Variants in SHOC1 observed in about 807,000 individuals in gnomAD.
The protein encoded by SHOC1 is protein shortage in chiasmata 1 ortholog.
Under a neutral mutation model 179.2 loss-of-function variants are expected in SHOC1, and 136 were observed. The observed-to-expected ratio is 0.76, with a 90% CI of 0.66 to 0.87. The LOEUF is 0.87. SHOC1 is among the 40% of genes least tolerant of loss of function. SHOC1 has a pLI of 0.00. For missense variants in SHOC1, 1,538 were observed against 1,700.8 expected, an observed-to-expected ratio of 0.90 and a Z score of 1.68; for synonymous variants, 489 against 586.6, an observed-to-expected ratio of 0.83 and a Z score of 2.41.
Position 111,693,794 on chromosome 9 carries a change from C to A in SHOC1, c.3465+5G>T. On this transcript the variant is annotated splice_donor_5th_base_variant and intron_variant, in intron 26 of 27. Transcript: ENST00000682961. ...ATATCATAGTACAGATCTCAAATAA[C>A]TAACCTTTAACACTTTTTCTGGGAC... 6.3e-7 allele frequency: 1 copy of A among 1,594,482 alleles called. No individual in the cohort carries two copies. The highest frequency in any genetic ancestry group is 8.6e-7 in the Non-Finnish European group (1 of 1,168,300).
chr9:111,723,158 A>AT (rs1833145828), intron 14 of SHOC1, among the ~76,000 whole-genome samples: 2 of 152,092 alleles, frequency 1.3e-5, no homozygotes, highest in South Asian at 4.1e-4. Flanking sequence ...CATGAACTGC[A>AT]TTTTTTTCTT....
In SHOC1 at chr9:111,744,394, T is replaced by C. The variant is rs189038885; in HGVS notation, c.1079+1840A>G. ...TCTTAGTTCATGATAGAACTCTGTA[T>C]AGCACAAATTTACTCTAGAAATGTA... is the stretch of plus-strand genomic sequence containing the variant. On this transcript the variant is annotated intron_variant, in intron 10 of 27. Coordinates refer to ENST00000682961, the MANE Select transcript of SHOC1 (RefSeq NM_001378211.1). 2.7e-3 allele frequency among the ~76,000 whole-genome samples: 418 copies of C among 152,320 alleles called. 2 individuals carry two copies. The highest frequency in any genetic ancestry group is 6.8e-3 in the Middle Eastern group (2 of 294).
intron 10 of SHOC1, 105 bp downstream of exon 10, chr9:111,746,129 T>G (rs1834266300): frequency 3.1e-6 from 2 of 650,856 alleles, no homozygotes; most frequent in South Asian, 4.0e-5. Context: ...AGCTCTTAAA[T>G]TTTTTCATAG....
Position 111,727,709 on chromosome 9 carries a change from G to T in SHOC1, c.1758C>A (p.Ser586Arg). 6.2e-7 allele frequency: 1 copy of T among 1,611,862 alleles called. No individual in the cohort carries two copies. The highest frequency in any genetic ancestry group is 8.5e-7 in the Non-Finnish European group (1 of 1,179,318). Residue 586 changes from serine to arginine, a missense_variant, in exon 13 of 28, where the codon AGC (serine) becomes AGA (arginine). Transcript: ENST00000682961. ...ATTTATTTCGCAGCATAATAAAGTC[G>T]CTCAAAAGGTCCAAATCATTCTCTT... ...KKQENDLDLLSDFIMLRNKYK... is the reference protein window; with the variant it reads ...KKQENDLDLLRDFIMLRNKYK...
At chr9:111,747,571 T>G (rs1032756294) in intron 9 of SHOC1, among the ~76,000 whole-genome samples, 8 of 152,130 alleles carry the variant, frequency 5.3e-5, no homozygotes, top group African/African-American at 1.9e-4. Flanking sequence ...TGCCATCTTT[T>G]TGTTATTCAG....
intron 23 of SHOC1, among the ~76,000 whole-genome samples, 159 bp downstream of exon 23, chr9:111,701,945 CA>C (rs1181120134): frequency 1.3e-5 from 2 of 152,034 alleles, no homozygotes; most frequent in South Asian, 4.2e-4. Context: ...CTCCAAAATT[CA>C]AATTTGTTTT....
At chr9:111,768,796 T>C (rs1225704494) in intron 5 of SHOC1, among the ~76,000 whole-genome samples, 1 of 152,220 alleles carries the variant, frequency 6.6e-6, no homozygotes, top group African/African-American at 2.4e-5. Flanking sequence ...TCACGTTTTA[T>C]GTTGAATAAA....
At chr9:111,706,794 AT>A in intron 19 of SHOC1, 48 bp from the exon 20 acceptor site, 1 of 1,335,338 alleles carries the variant, frequency 7.5e-7, no homozygotes. Flanking sequence ...TTGTGTTATT[AT>A]TTTGTTGAAC....
At chr9:111,703,426 A>G (rs866506394) in intron 22 of SHOC1, among the ~76,000 whole-genome samples, 4 of 152,186 alleles carry the variant, frequency 2.6e-5, no homozygotes, top group African/African-American at 9.6e-5. Flanking sequence ...ATTCCAAACT[A>G]TATGAATTTT....
intron 27 of SHOC1, 69 bp from the exon 28 acceptor site, chr9:111,686,939 C>CT (rs10537471): frequency 0.15 from 77,028 of 515,562 alleles, 2,277 homozygotes; most frequent in East Asian, 0.32. Context: ...TTTTCTTTTC[C>CT]TTTTTTTTTT....
At chr9:111,719,351 G>A (rs9657640) in intron 15 of SHOC1, among the ~76,000 whole-genome samples, 29,555 of 152,074 alleles carry the variant, frequency 0.19, 3,023 homozygotes, top group Non-Finnish European at 0.22. Flanking sequence ...TCACTTGCTC[G>A]GGATTAATGC....
At chr9:111,710,338 A>G (rs1399675169) in intron 18 of SHOC1, among the ~76,000 whole-genome samples, 1 of 152,170 alleles carries the variant, frequency 6.6e-6, no homozygotes, top group Admixed American at 6.6e-5. Flanking sequence ...ACTCTGCTTG[A>G]GAGACCTTTC....
chr9:111,686,746 A>AT lies in SHOC1; in HGVS notation c.*23dup, dbSNP rs1405249030. 6.9e-7 allele frequency: 1 copy of AT among 1,451,134 alleles called. No homozygotes were observed. Among genetic ancestry groups the AT allele is most frequent in the African/African-American group, 1.4e-5 (1 of 71,476 alleles). 89.9% of individuals were successfully genotyped at this position (1,451,134 alleles called of 1,614,324 possible). A position where few individuals can be genotyped will look rare whatever the true frequency, so the allele number is the denominator to read the frequency against. ...AGCATCAAAAACAGTGGAATATGGCATGTAACATTGCTCTTCTCCTCCTTC... is the reference window on the plus strand; with the variant it reads ...AGCATCAAAAACAGTGGAATATGGCATTGTAACATTGCTCTTCTCCTCCTTC... On this transcript the variant is annotated 3_prime_UTR_variant, in exon 28 of 28. Transcript: ENST00000682961.
At chr9:111,772,854 G>A (rs946679294) in intron 5 of SHOC1, among the ~76,000 whole-genome samples, 1 of 152,168 alleles carries the variant, frequency 6.6e-6, no homozygotes, top group Non-Finnish European at 1.5e-5. Context: ...CTCCTTTCAG[G>A]CAGTCATGAT....
intron 5 of SHOC1, among the ~76,000 whole-genome samples, chr9:111,769,994 T>TG (rs1835529525): frequency 6.8e-6 from 1 of 146,730 alleles, no homozygotes; most frequent in Admixed American, 6.7e-5. Flanking sequence ...TTGTTTTTTT[T>TG]TTTTTTTTTT....
chr9:111,765,743 T>A (rs1835325736), intron 5 of SHOC1, among the ~76,000 whole-genome samples: 1 of 152,136 alleles, frequency 6.6e-6, no homozygotes, highest in Non-Finnish European at 1.5e-5. Flanking sequence ...AGACAGAGTC[T>A]CACTCTGTCA....
chr9:111,770,643 C>T lies in SHOC1; in HGVS notation c.442+5148G>A, dbSNP rs181768066. ...TTACTGAGAGTGGGGTGTTAAAGTC[C>T]GCTACTATTATTATATTGCAGTCTA... On this transcript the variant is annotated intron_variant, in intron 5 of 27. Coordinates refer to ENST00000682961, the MANE Select transcript of SHOC1 (RefSeq NM_001378211.1). Among the ~76,000 whole-genome samples the T allele has an allele frequency of 3.4e-3, 518 of 152,046 alleles. 2 individuals are homozygous for T. Among genetic ancestry groups the T allele is most frequent in the Non-Finnish European group, 4.9e-3 (330 of 67,946 alleles).
At chr9:111,749,008 TCCTTCCTG>T (rs1231206896) in intron 8 of SHOC1, among the ~76,000 whole-genome samples, 4 of 136,926 alleles carry the variant, frequency 2.9e-5, no homozygotes, top group South Asian at 5.9e-4. Context: ...TTTCCTGCCT[TCCTTCCTG>T]CCTTCCTGCC....
Position 111,738,451 on chromosome 9 carries a change from C to T in SHOC1, c.1246G>A (p.Glu416Lys). Reference sequence around the variant, plus strand: ...TTTTCCAGATTAATCACAAGGCTTTCTTCTTTAACAGAAAATATCTTTTTC... The same window carrying T: ...TTTTCCAGATTAATCACAAGGCTTTTTTCTTTAACAGAAAATATCTTTTTC... Reference protein sequence around the residue: ...DLKKIFSVKEESLVINLEKAE... With the variant: ...DLKKIFSVKEKSLVINLEKAE... The change falls in exon 12 of 28, where the codon GAA becomes AAA. Residue 416 changes from glutamate (E) to lysine (K), a missense_variant. By Grantham distance (56) the Glu-to-Lys change is moderately conservative. Coordinates refer to ENST00000682961, the MANE Select transcript of SHOC1 (RefSeq NM_001378211.1). 1.2e-6 allele frequency: 2 copies of T among 1,608,220 alleles called. No individual in the cohort carries two copies. Among genetic ancestry groups the T allele is most frequent in the Non-Finnish European group, 8.5e-7 (1 of 1,178,318 alleles).
Sources: allele counts gnomAD v4.1 joint callset (sites outside exome capture counted in the v4.1 genomes callset), GRCh38; gene constraint gnomAD v4.1.1; transcripts MANE v1.5; gene names NCBI Gene and HGNC (gene_info 2026-07-23, HGNC 2026-07-21).